EYS: variants seen among roughly 807,000 people sequenced by gnomAD.
EYS encodes the protein protein eyes shut homolog.
Under a neutral mutation model 282.1 loss-of-function variants are expected in EYS, and 250 were observed. That is an observed-to-expected ratio of 0.89 (90% CI 0.80 to 0.98). The LOEUF is 0.98. EYS is among the 50% of genes least tolerant of loss of function. The probability of loss-of-function intolerance (pLI) is 0.00; values close to 1 mark genes in which losing one functional copy is unlikely to be tolerated. For synonymous variants in EYS, 1,355 were observed against 1,282.9 expected (o/e 1.06, Z -1.20); for missense variants, 4,016 against 3,709.0 (o/e 1.08, Z -2.15).
At chr6:64,045,622 T>C (rs1262201158) in intron 33 of EYS, among the ~76,000 whole-genome samples, 1 of 150,806 alleles carries the variant, frequency 6.6e-6, no homozygotes, top group African/African-American at 2.4e-5. Flanking sequence ...ATTTTCTGTA[T>C]TTTTAGTAGA....
chr6:64,062,620 G>C (rs1022430489), intron 33 of EYS, among the ~76,000 whole-genome samples: 1 of 151,372 alleles, frequency 6.6e-6, no homozygotes, highest in African/African-American at 2.4e-5. Context: ...GAACCCTGGA[G>C]GTGGAGGTTG....
At chr6:64,140,103 G>C (rs1286803087) in intron 31 of EYS, among the ~76,000 whole-genome samples, 2 of 152,118 alleles carry the variant, frequency 1.3e-5, no homozygotes, top group African/African-American at 2.4e-5. Flanking sequence ...GTTGTATAAT[G>C]ATAGCAATGA....
intron 2 of EYS, among the ~76,000 whole-genome samples, chr6:65,557,153 A>T (rs940833845): frequency 2.0e-5 from 3 of 152,152 alleles, no homozygotes; most frequent in Admixed American, 2.0e-4. Context: ...CACCAGCCAG[A>T]CACCTCTGTG....
intron 13 of EYS, among the ~76,000 whole-genome samples, chr6:65,049,565 T>C (rs1306591426): frequency 6.6e-6 from 1 of 151,708 alleles, no homozygotes; most frequent in Non-Finnish European, 1.5e-5. Context: ...CTGAATAATA[T>C]CACAGTTTAA....
intron 5 of EYS, among the ~76,000 whole-genome samples, chr6:65,409,501 T>C (rs1327443873): frequency 1.3e-5 from 2 of 152,194 alleles, no homozygotes; most frequent in African/African-American, 4.8e-5. Context: ...AATTTTACTC[T>C]TTTACTCCTC....
intron 19 of EYS, among the ~76,000 whole-genome samples, chr6:64,869,660 T>C (rs1583242028): frequency 6.6e-6 from 1 of 151,584 alleles, no homozygotes; most frequent in African/African-American, 2.4e-5. Context: ...TAGTGTAGCA[T>C]GTTTGAGAAA....
intron 12 of EYS, among the ~76,000 whole-genome samples, chr6:65,071,222 A>C (rs999624775): frequency 5.3e-5 from 8 of 151,902 alleles, no homozygotes; most frequent in African/African-American, 7.2e-5. Flanking sequence ...TAGAAAAAAA[A>C]CAAAAACTTA....
intron 12 of EYS, among the ~76,000 whole-genome samples, chr6:65,292,626 G>T (rs960582292): frequency 6.6e-6 from 1 of 151,698 alleles, no homozygotes; most frequent in African/African-American, 2.4e-5. Flanking sequence ...TGGGGAAAAT[G>T]AAATTATAAC....
chr6:64,952,079 A>G (rs960078340), intron 14 of EYS, among the ~76,000 whole-genome samples: 2 of 152,012 alleles, frequency 1.3e-5, no homozygotes, highest in African/African-American at 2.4e-5. Flanking sequence ...GAACAAAGAC[A>G]TATTATCTTC....
intron 36 of EYS, among the ~76,000 whole-genome samples, chr6:63,832,313 C>T (rs1771664424): frequency 6.6e-6 from 1 of 151,954 alleles, no homozygotes; most frequent in Non-Finnish European, 1.5e-5. Context: ...AATTGATAGA[C>T]CGCTAGCAAG....
intron 22 of EYS, among the ~76,000 whole-genome samples, chr6:64,649,541 T>C (rs1768482774): frequency 6.6e-6 from 1 of 152,156 alleles, no homozygotes; most frequent in African/African-American, 2.4e-5. Flanking sequence ...GGTTTCACAA[T>C]GTTGGTCAGG....
At chr6:63,732,319 C>A (rs1255477864) in intron 41 of EYS, among the ~76,000 whole-genome samples, 2 of 152,000 alleles carry the variant, frequency 1.3e-5, no homozygotes, top group Admixed American at 1.3e-4. Flanking sequence ...AAGGCTTCAG[C>A]TCTAATAGCT....
chr6:64,312,799 TAGAA>T (rs1159686388), intron 29 of EYS, among the ~76,000 whole-genome samples: 2 of 152,114 alleles, frequency 1.3e-5, no homozygotes, highest in Non-Finnish European at 2.9e-5. Flanking sequence ...AACTGACTGT[TAGAA>T]AGAAAACTAA....
In EYS at chr6:65,579,523, T is replaced by G. The variant is rs1371873789; in HGVS notation, c.-333+60255A>C. 2.0e-5 allele frequency among the ~76,000 whole-genome samples: 3 copies of G among 152,112 alleles called. No homozygotes were observed. The South Asian group carries it at 6.2e-4, about 31-fold the overall frequency. On this transcript the variant is annotated intron_variant, in intron 2 of 42. Coordinates refer to ENST00000503581, the MANE Select transcript of EYS (RefSeq NM_001142800.2). ...TACATTTTCTCACAGTTCTGGAAGC[T>G]GAAACTTTGAGATCAGGGTGCCAGC...
At chr6:65,622,826 C>T (rs1015356958) in intron 2 of EYS, among the ~76,000 whole-genome samples, 6 of 151,278 alleles carry the variant, frequency 4.0e-5, no homozygotes, top group African/African-American at 7.3e-5. Flanking sequence ...GGGGCAGCTA[C>T]AGCTCATTGC....
At chr6:65,501,806 TA>T (rs945964875) in intron 2 of EYS, among the ~76,000 whole-genome samples, 2 of 151,718 alleles carry the variant, frequency 1.3e-5, no homozygotes, top group African/African-American at 4.8e-5. Context: ...AAGCTTGCCT[TA>T]AAAAATATTA....
Position 63,933,643 on chromosome 6 carries a change from T to C in EYS, c.7055+50740A>G, listed in dbSNP as rs185123250. ...GGGGCTGAAAGTCCCAACCCTCTAA[T>C]CATGAAGTTTTTCCAGTGACCAGCC... On this transcript the variant is annotated intron_variant, in intron 35 of 42. Transcript: ENST00000503581. Among the ~76,000 whole-genome samples the C allele has an allele frequency of 2.7e-3, 409 of 152,224 alleles. 1 individual carries two copies. Among genetic ancestry groups the C allele is most frequent in the African/African-American group, 9.6e-3 (399 of 41,532 alleles).
chr6:64,844,206 ATAT>A (rs1168326475), intron 19 of EYS, among the ~76,000 whole-genome samples: 1 of 151,708 alleles, frequency 6.6e-6, no homozygotes, highest in African/African-American at 2.4e-5. Context: ...TCATCTCTCC[ATAT>A]TAAGTGAGTA....
intron 1 of EYS, among the ~76,000 whole-genome samples, chr6:65,682,740 G>C (rs1158424): frequency 0.35 from 53,514 of 151,512 alleles, 11,925 homozygotes; most frequent in Non-Finnish European, 0.49. Flanking sequence ...AGAGCACAGA[G>C]ACAAATACAG....
Sources: allele counts gnomAD v4.1 joint callset (sites outside exome capture counted in the v4.1 genomes callset), GRCh38; gene constraint gnomAD v4.1.1; transcripts MANE v1.5; gene names NCBI Gene and HGNC (gene_info 2026-07-23, HGNC 2026-07-21).